Variants in PRKCB observed in about 807,000 individuals in gnomAD.
PRKCB encodes the protein protein kinase C beta type.
A neutral mutation model predicts 81.5 loss-of-function variants in PRKCB; 13 were observed. The ratio of observed to expected loss-of-function variants is 0.16; its 90% CI spans 0.10 to 0.25. The LOEUF is 0.25. Ranked by LOEUF, PRKCB falls within the 10% of genes least tolerant of loss-of-function variation. The pLI is 1.00. For missense variants in PRKCB, 509 were observed against 875.7 expected (o/e 0.58, Z 5.29); for synonymous variants, 335 against 321.4 (o/e 1.04, Z -0.45).
intron 5 of PRKCB, among the ~76,000 whole-genome samples, chr16:24,079,123 C>A (rs772476613): frequency 9.2e-5 from 14 of 152,230 alleles, no homozygotes; most frequent in Non-Finnish European, 1.9e-4. Flanking sequence ...CCCACCCTAA[C>A]TGATACGATA....
intron 2 of PRKCB, among the ~76,000 whole-genome samples, chr16:23,876,225 G>A (rs1486166028): frequency 6.6e-6 from 1 of 152,174 alleles, no homozygotes; most frequent in East Asian, 1.9e-4. Flanking sequence ...AGCCTACCAG[G>A]GAAGCCAGAT....
At chr16:24,042,799 G>A (rs531477004) in intron 5 of PRKCB, among the ~76,000 whole-genome samples, 3 of 150,462 alleles carry the variant, frequency 2.0e-5, no homozygotes, top group South Asian at 2.1e-4. Context: ...GTGTAGTGGC[G>A]TAATCACGGC....
chr16:24,133,417 A>G lies in PRKCB; in HGVS notation c.1065+9436A>G, dbSNP rs117019078. On this transcript the variant is annotated intron_variant, in intron 9 of 16. Coordinates refer to ENST00000643927, the MANE Select transcript of PRKCB (RefSeq NM_002738.7). Reference sequence around the variant, plus strand: ...TCCGCAGGGATTCCTAAGAGGGCCCATGAGAATGGCTTTCACTCCTCCAGC... The same window carrying G: ...TCCGCAGGGATTCCTAAGAGGGCCCGTGAGAATGGCTTTCACTCCTCCAGC... Among the ~76,000 whole-genome samples, 1,139 of 152,298 alleles carry G rather than the reference A, an allele frequency of 7.5e-3. 2 individuals carry two copies. Among genetic ancestry groups the G allele is most frequent in the Non-Finnish European group, 0.012 (838 of 68,016 alleles).
chr16:23,901,164 A>T (rs974904947), intron 2 of PRKCB, among the ~76,000 whole-genome samples: 3 of 152,128 alleles, frequency 2.0e-5, no homozygotes, highest in African/African-American at 7.2e-5. Context: ...TGTGTCTGTC[A>T]TCCTGGGGCT....
chr16:23,863,215 C>CATATAT (rs1962709986), intron 2 of PRKCB, among the ~76,000 whole-genome samples: 1 of 58,070 alleles, frequency 1.7e-5, no homozygotes, highest in Non-Finnish European at 4.2e-5. Context: ...TGTATATATA[C>CATATAT]ATACATATAT....
chr16:24,114,767 T>A (rs1373030845), intron 8 of PRKCB, among the ~76,000 whole-genome samples: 1 of 152,124 alleles, frequency 6.6e-6, no homozygotes. Context: ...CATGATGGCC[T>A]ACTAACTCCC....
intron 5 of PRKCB, among the ~76,000 whole-genome samples, chr16:24,050,581 A>G (rs1255329474): frequency 6.6e-6 from 1 of 152,098 alleles, no homozygotes; most frequent in East Asian, 1.9e-4. Flanking sequence ...ATTAATGCTT[A>G]CCTCTACTTA....
chr16:23,942,537 T>C (rs573931444), intron 2 of PRKCB, among the ~76,000 whole-genome samples: 1 of 152,318 alleles, frequency 6.6e-6, no homozygotes, highest in South Asian at 2.1e-4. Context: ...GCAACTCGAT[T>C]CAAATTTTAT....
chr16:23,889,479 T>C (rs1963257494), intron 2 of PRKCB, among the ~76,000 whole-genome samples: 1 of 152,252 alleles, frequency 6.6e-6, no homozygotes, highest in Non-Finnish European at 1.5e-5. Flanking sequence ...CACCTGTTTA[T>C]CATCTATAAT....
At chr16:24,192,844 C>T (rs1239113654) in intron 16 of PRKCB, among the ~76,000 whole-genome samples, 2 of 152,148 alleles carry the variant, frequency 1.3e-5, no homozygotes, top group Non-Finnish European at 2.9e-5. Context: ...AATAGGCTCT[C>T]CAGGTGACTT....
At position 24,220,257 on chromosome 16, in the gene PRKCB, T is replaced by A. The variant is rs1968302524; in HGVS notation, c.*5441T>A. The A allele has an allele frequency of 5.3e-6, 5 of 949,688 alleles. No individual in the cohort carries two copies. In the East Asian group the frequency reaches 1.3e-4, roughly 24 times the overall value. The allele number at this position is 949,688 out of a possible 1,614,324, so 58.8% of individuals were successfully genotyped here. A position where few individuals can be genotyped will look rare whatever the true frequency, so the allele number is the denominator to read the frequency against. ...GTCTTAGAGGGCTTTTCTTTGTATG[T>A]GTAGCTTGCTAGTTTGTTTTCTACA... On this transcript the variant is annotated 3_prime_UTR_variant, in exon 17 of 17. Coordinates refer to ENST00000643927, the MANE Select transcript of PRKCB (RefSeq NM_002738.7).
intron 2 of PRKCB, among the ~76,000 whole-genome samples, chr16:23,946,295 C>T (rs968206690): frequency 5.9e-5 from 9 of 152,274 alleles, no homozygotes; most frequent in East Asian, 1.9e-4. Flanking sequence ...TCAGGGGCAC[C>T]GCTTTGCTAA....
At position 23,957,503 on chromosome 16, in the gene PRKCB, C is replaced by T. The variant is rs1596486983; in HGVS notation, c.206-31005C>T. Among the ~76,000 whole-genome samples, 4 of 152,294 alleles carry T rather than the reference C, an allele frequency of 2.6e-5. No individual in the cohort carries two copies. The East Asian group carries it at 7.7e-4, about 29-fold the overall frequency. On this transcript the variant is annotated intron_variant, in intron 2 of 16. Coordinates refer to ENST00000643927, the MANE Select transcript of PRKCB (RefSeq NM_002738.7). ...AGAGAGAAGATTGAAAACATGCCAT[C>T]AAAACAGGAGCTTCAGCCTCAGCCA... is the stretch of plus-strand genomic sequence containing the variant.
intron 2 of PRKCB, among the ~76,000 whole-genome samples, chr16:23,958,252 A>G (rs1249843154): frequency 6.6e-6 from 1 of 152,140 alleles, no homozygotes; most frequent in Non-Finnish European, 1.5e-5. Context: ...TTGGCCTCCC[A>G]AAGTACTGGG....
intron 2 of PRKCB, among the ~76,000 whole-genome samples, chr16:23,869,841 G>C (rs961576566): frequency 1.3e-5 from 2 of 152,118 alleles, no homozygotes; most frequent in Non-Finnish European, 1.5e-5. Flanking sequence ...GACCAACATG[G>C]TGACACTCCA....
rs150103039 is a variant in PRKCB at position 23,869,422 on chromosome 16, C to A, written c.205+32016C>A. 2.9e-3 allele frequency: 677 copies of A among 229,868 alleles called. 3 individuals carry two copies. Among genetic ancestry groups the A allele is most frequent in the African/African-American group, 0.014 (617 of 43,906 alleles). 14.2% of individuals were successfully genotyped at this position (229,868 alleles called of 1,614,324 possible). ...GTTGCTTATTATTGCACTTACCTACCAAAAGCTGACTAATACAGTCATATA... is the reference window on the plus strand; with the variant it reads ...GTTGCTTATTATTGCACTTACCTACAAAAAGCTGACTAATACAGTCATATA... On this transcript the variant is annotated intron_variant, in intron 2 of 16. Transcript: ENST00000643927.
At chr16:24,098,943 C>T (rs1966472514) in intron 7 of PRKCB, 1 of 152,180 alleles carries the variant, frequency 6.6e-6, no homozygotes, top group Admixed American at 6.5e-5. Context: ...ATATTTTTCC[C>T]TAACATGCAA....
At chr16:24,022,768 C>T (rs1432073806) in intron 3 of PRKCB, among the ~76,000 whole-genome samples, 1 of 152,242 alleles carries the variant, frequency 6.6e-6, no homozygotes, top group East Asian at 1.9e-4. Context: ...GCTGGGATTA[C>T]AGGCGTGAGC....
Position 24,217,756 on chromosome 16 carries a change from C to T in PRKCB, c.*2940C>T, listed in dbSNP as rs935035833. Reference sequence around the variant, plus strand: ...GGAAAGCGAAATAGGGTTGATGAGACCAGGGGAGACCTAAAAAAAAGGCAG... The same window carrying T: ...GGAAAGCGAAATAGGGTTGATGAGATCAGGGGAGACCTAAAAAAAAGGCAG... On this transcript the variant is annotated 3_prime_UTR_variant, in exon 17 of 17. Transcript: ENST00000643927. 2 of 985,252 alleles carry T rather than the reference C, an allele frequency of 2.0e-6. No individual in the cohort carries two copies. The highest frequency in any genetic ancestry group is 3.5e-5 in the African/African-American group (2 of 57,194). 61.0% of individuals were successfully genotyped at this position (985,252 alleles called of 1,614,324 possible). A position where few individuals can be genotyped will look rare whatever the true frequency, so the allele number is the denominator to read the frequency against.
Sources: gnomAD v4.1 joint callset for allele counts (sites outside exome capture counted in the v4.1 genomes callset) on GRCh38, gnomAD v4.1.1 for gene constraint, MANE v1.5 for transcripts, NCBI Gene and HGNC (gene_info 2026-07-23, HGNC 2026-07-21) for gene names.